Variants in CECR2 observed in about 807,000 individuals in gnomAD.
CECR2 encodes chromatin remodeling regulator CECR2.
Under a neutral mutation model 154.5 loss-of-function variants are expected in CECR2, and 30 were observed. The observed-to-expected ratio is 0.19, with a 90% CI of 0.15 to 0.26. The LOEUF is 0.26. Ranked by LOEUF, CECR2 falls within the 10% of genes least tolerant of loss-of-function variation. The pLI is 1.00. For synonymous variants in CECR2, 725 were observed against 683.7 expected (o/e 1.06, Z -0.94); for missense variants, 1,743 against 1,829.3 (o/e 0.95, Z 0.86).
intron 2 of CECR2, among the ~76,000 whole-genome samples, chr22:17,479,765 CTTTTT>C (rs571664926): frequency 3.4e-5 from 4 of 117,090 alleles, no homozygotes; most frequent in Non-Finnish European, 3.5e-5. Flanking sequence ...TGTGGTCTTT[CTTTTT>C]TTTTTTTTTT....
At chr22:17,370,329 G>A (rs1469101353) in intron 1 of CECR2, among the ~76,000 whole-genome samples, 1 of 149,262 alleles carries the variant, frequency 6.7e-6, no homozygotes, top group Non-Finnish European at 1.5e-5. Flanking sequence ...CGGGGGGGGG[G>A]CCCGCGCGGG....
At chr22:17,467,956 G>C (rs1374652993) in intron 1 of CECR2, among the ~76,000 whole-genome samples, 1 of 152,166 alleles carries the variant, frequency 6.6e-6, no homozygotes, top group Non-Finnish European at 1.5e-5. Flanking sequence ...TGCATATATG[G>C]TCTGTATACT....
chr22:17,513,143 G>A lies in CECR2; in HGVS notation c.954+1247G>A, dbSNP rs2055989639. Among the ~76,000 whole-genome samples the A allele has an allele frequency of 2.6e-5, 4 of 151,910 alleles. No homozygotes were observed. In the South Asian group the frequency reaches 8.3e-4, roughly 32 times the overall value. The stretch of plus-strand genomic sequence containing the variant: ...AAGCAGGAGATTTACTTGAGCCTAG[G>A]AGTTTGAGACCAGCCTGGGCAACAT... On this transcript the variant is annotated intron_variant, in intron 8 of 18. Coordinates refer to ENST00000262608, the MANE Select transcript of CECR2 (RefSeq NM_001290047.2).
chr22:17,486,201 A>G (rs1331210753), intron 2 of CECR2, among the ~76,000 whole-genome samples: 1 of 152,222 alleles, frequency 6.6e-6, no homozygotes, highest in Non-Finnish European at 1.5e-5. Flanking sequence ...ACTTAGACGT[A>G]AAAGGAACCT....
intron 1 of CECR2, among the ~76,000 whole-genome samples, chr22:17,466,067 G>A (rs1354034235): frequency 3.9e-5 from 6 of 152,000 alleles, no homozygotes; most frequent in Non-Finnish European, 8.8e-5. Flanking sequence ...CATCACGCAG[G>A]CTGGAGCGCA....
chr22:17,408,291 G>A (rs1302210006), intron 1 of CECR2, among the ~76,000 whole-genome samples: 10 of 144,182 alleles, frequency 6.9e-5, no homozygotes, highest in Non-Finnish European at 1.2e-4. Flanking sequence ...TTTTTGTGGT[G>A]CTCTGGAAAG....
At chr22:17,385,076 C>T (rs542053524) in intron 1 of CECR2, among the ~76,000 whole-genome samples, 1 of 152,298 alleles carries the variant, frequency 6.6e-6, no homozygotes, top group South Asian at 2.1e-4. Context: ...AGAATTGAAG[C>T]GTAAGGGCCT....
intron 2 of CECR2, among the ~76,000 whole-genome samples, chr22:17,489,277 C>T (rs957585252): frequency 6.6e-6 from 1 of 152,168 alleles, no homozygotes; most frequent in Non-Finnish European, 1.5e-5. Flanking sequence ...TTTAATTTTA[C>T]TAATCCTATT....
intron 1 of CECR2, among the ~76,000 whole-genome samples, chr22:17,431,359 G>A (rs2054419127): frequency 6.6e-6 from 1 of 152,184 alleles, no homozygotes; most frequent in African/African-American, 2.4e-5. Flanking sequence ...AGGTTGATGG[G>A]AGGATTATAG....
At chr22:17,439,698 A>G (rs1471717736) in intron 1 of CECR2, among the ~76,000 whole-genome samples, 1 of 152,232 alleles carries the variant, frequency 6.6e-6, no homozygotes, top group Non-Finnish European at 1.5e-5. Context: ...TTTAAAATAC[A>G]TAAATATATG....
intron 5 of CECR2, 134 bp from the exon 6 acceptor site, chr22:17,502,948 A>G: frequency 2.8e-6 from 2 of 705,640 alleles, no homozygotes; most frequent in Non-Finnish European, 4.8e-6. Flanking sequence ...TTCCGCCTCC[A>G]AGCCTTGTCC....
At chr22:17,463,846 A>T (rs1190538293) in intron 1 of CECR2, among the ~76,000 whole-genome samples, 1 of 151,984 alleles carries the variant, frequency 6.6e-6, no homozygotes, top group Non-Finnish European at 1.5e-5. Context: ...CAGAAAGGGA[A>T]GCAAGAGCAG....
In CECR2 at chr22:17,524,182, T is replaced by A. The variant is rs367584284; in HGVS notation, c.1019T>A (p.Ile340Asn). The A allele has an allele frequency of 2.7e-5, 44 of 1,608,042 alleles. No homozygotes were observed. Among genetic ancestry groups the A allele is most frequent in the Non-Finnish European group, 3.7e-5 (43 of 1,177,346 alleles). ...KRKEEEEERQ[I>N]LLAVQKKEQE... The stretch of plus-strand genomic sequence containing the variant: ...AAAGAGGAGGAAGAAGAGCGTCAGA[T>A]TCTTCTAGCAGTGCAGAAGAAGGAG... The change falls in exon 9 of 19, where the codon ATT becomes AAT. Residue 340 changes from isoleucine (I) to asparagine (N), a missense_variant. Ile to Asn is a moderately radical substitution (Grantham distance 149). Transcript: ENST00000262608.
intron 1 of CECR2, among the ~76,000 whole-genome samples, chr22:17,360,493 C>A (rs763690143): frequency 1.3e-5 from 2 of 151,968 alleles, no homozygotes; most frequent in Admixed American, 6.6e-5. Flanking sequence ...ACCAGCCTGA[C>A]CAATATGGTG....
chr22:17,529,655 G>T (rs992087466), intron 9 of CECR2, among the ~76,000 whole-genome samples: 3 of 149,488 alleles, frequency 2.0e-5, no homozygotes, highest in African/African-American at 5.0e-5. Flanking sequence ...AGCCGAGATC[G>T]CCCCACCGCA....
rs2055462137 is a variant in CECR2 at position 17,488,352 on chromosome 22, G to A, written c.222-9051G>A. ...GTTCATCGTGTCTTTTTTAACATAG[G>A]CCAGTGTTTTGTAACAAATGAGGGC... On this transcript the variant is annotated intron_variant, in intron 2 of 18. Transcript: ENST00000262608. 2.0e-5 allele frequency among the ~76,000 whole-genome samples: 3 copies of A among 151,978 alleles called. No individual in the cohort carries two copies. In the South Asian group the frequency reaches 6.2e-4, roughly 32 times the overall value.
At chr22:17,469,550 A>G (rs928213334) in intron 1 of CECR2, among the ~76,000 whole-genome samples, 2 of 150,760 alleles carry the variant, frequency 1.3e-5, no homozygotes, top group African/African-American at 4.9e-5. Context: ...CCTCTTTCCC[A>G]TGATGGACAG....
At chr22:17,522,347 T>G (rs174313) in intron 8 of CECR2, among the ~76,000 whole-genome samples, 48,645 of 151,950 alleles carry the variant, frequency 0.32, 8,017 homozygotes, top group East Asian at 0.5. Flanking sequence ...TTAAGAACCT[T>G]GGAAGTGGGG....
intron 13 of CECR2, among the ~76,000 whole-genome samples, chr22:17,540,008 T>C (rs1402532046): frequency 2.0e-5 from 3 of 152,198 alleles, no homozygotes; most frequent in Non-Finnish European, 4.4e-5. Context: ...ATGTTTTCTT[T>C]TTGGTAGGGA....
Sources: allele counts gnomAD v4.1 joint callset (sites outside exome capture counted in the v4.1 genomes callset), GRCh38; gene constraint gnomAD v4.1.1; transcripts MANE v1.5; gene names NCBI Gene and HGNC (gene_info 2026-07-23, HGNC 2026-07-21).